The following JPH2 variants were observed in gnomAD, a reference collection of about 807,000 sequenced individuals.
JPH2 encodes the protein junctophilin-2.
Under a neutral mutation model 55.9 loss-of-function variants are expected in JPH2, and 38 were observed. The ratio of observed to expected loss-of-function variants is 0.68; its 90% CI spans 0.52 to 0.89. JPH2 has a LOEUF of 0.89. Among genes scored for constraint, JPH2 ranks in the 40% least tolerant of loss-of-function variants. The probability of loss-of-function intolerance (pLI) is 0.00; values close to 1 mark genes in which losing one functional copy is unlikely to be tolerated. For synonymous variants in JPH2, 480 were observed against 472.4 expected, an observed-to-expected ratio of 1.02 and a Z score of -0.21; for missense variants, 964 against 1,037.6, an observed-to-expected ratio of 0.93 and a Z score of 0.97.
At chr20:44,123,337 T>G (rs2072251821) in intron 2 of JPH2, among the ~76,000 whole-genome samples, 1 of 151,926 alleles carries the variant, frequency 6.6e-6, no homozygotes, top group African/African-American at 2.4e-5. Context: ...CCTTTATAAC[T>G]CTTAGAACCC....
intron 1 of JPH2, chr20:44,178,081 A>T (rs2072749741): frequency 1.3e-6 from 1 of 771,736 alleles, no homozygotes; most frequent in African/African-American, 1.7e-5. Context: ...GCCTACTCTA[A>T]GTCTCAGTTG....
rs1030386319 is a variant in JPH2 at position 44,177,466 on chromosome 20, T to A, written c.379+8861A>T. 8 of 991,642 alleles carry A rather than the reference T, an allele frequency of 8.1e-6. No individual in the cohort carries two copies. The South Asian group carries it at 2.3e-4, about 28-fold the overall frequency. The allele number at this position is 991,642 out of a possible 1,614,324, so 61.4% of individuals were successfully genotyped here. On this transcript the variant is annotated intron_variant, in intron 1 of 5. Transcript: ENST00000372980. Reference sequence around the variant, plus strand: ...TTGGCCAATCGGGCACATGAATCACTGAAAACAAGGCCGTGGACAGGAAAG... The same window carrying A: ...TTGGCCAATCGGGCACATGAATCACAGAAAACAAGGCCGTGGACAGGAAAG...
rs2072127324 is a variant in JPH2, at chr20:44,109,499, C to T, written c.*4019G>A. On this transcript the variant is annotated 3_prime_UTR_variant, in exon 6 of 6. Transcript: ENST00000372980. ...CACACAGCTGTTCTGCCACCACATA[C>T]AGGAGGTGAAGGGCTTAGCACAGGG... 6.6e-6 allele frequency among the ~76,000 whole-genome samples: 1 copy of T among 152,204 alleles called. No homozygotes were observed. The highest frequency in any genetic ancestry group is 1.5e-5 in the Non-Finnish European group (1 of 68,030).
chr20:44,153,899 G>A (rs1213606172), intron 2 of JPH2, among the ~76,000 whole-genome samples: 1 of 152,176 alleles, frequency 6.6e-6, no homozygotes, highest in African/African-American at 2.4e-5. Context: ...CACTCACTGT[G>A]CTCCTTCCAG....
intron 1 of JPH2, among the ~76,000 whole-genome samples, chr20:44,172,967 C>T (rs1042652688): frequency 6.6e-6 from 1 of 152,102 alleles, no homozygotes; most frequent in South Asian, 2.1e-4. Context: ...AAAAATCTGA[C>T]ATAAAAATAT....
chr20:44,178,064 C>A, intron 1 of JPH2: 1 of 780,734 alleles, frequency 1.3e-6, no homozygotes, highest in Middle Eastern at 2.3e-4. Context: ...GATTTGAACC[C>A]AGATCTGCCT....
chr20:44,108,715 T>C lies in JPH2; in HGVS notation c.*4803A>G, dbSNP rs1030908315. Among the ~76,000 whole-genome samples the C allele has an allele frequency of 6.6e-6, 1 of 151,750 alleles. No individual in the cohort carries two copies. The highest frequency in any genetic ancestry group is 1.5e-5 in the Non-Finnish European group (1 of 67,990). On this transcript the variant is annotated 3_prime_UTR_variant, in exon 6 of 6. Transcript: ENST00000372980. ...AAGACAGCCTGGAGTGAATGGTGAA[T>C]GTTCTGACACATGAGGTGCCCTGGC... is the stretch of plus-strand genomic sequence containing the variant.
chr20:44,139,086 T>C (rs781347923), intron 2 of JPH2, among the ~76,000 whole-genome samples: 2 of 152,068 alleles, frequency 1.3e-5, no homozygotes, highest in African/African-American at 4.8e-5. Flanking sequence ...ACAGTAACAA[T>C]AGCTGCCCAT....
intron 2 of JPH2, among the ~76,000 whole-genome samples, chr20:44,135,549 G>A (rs1004790168): frequency 2.6e-5 from 4 of 152,106 alleles, no homozygotes; most frequent in South Asian, 2.1e-4. Context: ...CCTGCATTTC[G>A]CTTCCAAGGT....
Position 44,115,899 on chromosome 20 carries a change from G to A in JPH2, c.1776C>T (p.Ser592=), listed in dbSNP as rs763485402. 3.2e-6 allele frequency: 5 copies of A among 1,576,154 alleles called. No individual in the cohort carries two copies. Among genetic ancestry groups the A allele is most frequent in the Non-Finnish European group, 4.3e-6 (5 of 1,167,336 alleles). The change falls in exon 4 of 6, where the codon TCC becomes TCT. Residue 592 remains serine, a synonymous_variant. Coordinates refer to ENST00000372980, the MANE Select transcript of JPH2 (RefSeq NM_020433.5). Reference sequence around the variant, plus strand: ...TGGCCGGGGACGAGGGCGCGGACTCGGACCCGGAGACCTCGGGCTCGGGCT... The same window carrying A: ...TGGCCGGGGACGAGGGCGCGGACTCAGACCCGGAGACCTCGGGCTCGGGCT... ...EDQPEPEVSG[S]ESAPSSPATA...
At position 44,159,719 on chromosome 20, in the gene JPH2, C is replaced by A; in HGVS notation, c.1068G>T (p.Gln356His). The change falls in exon 2 of 6, where the codon CAG becomes CAT. Residue 356 changes from glutamine (Q) to histidine (H), a missense_variant. Gln to His is a conservative substitution (Grantham distance 24, BLOSUM62 0). Coordinates refer to ENST00000372980, the MANE Select transcript of JPH2 (RefSeq NM_020433.5). The surrounding 1 kb of genome is among the most constrained non-coding windows in gnomAD (Gnocchi z 5.7). ...LVKDTKRRML[Q>H]LKSNKVRQKV... is the part of the protein sequence containing the mutation. ...TCTGGCGGACCTTGTTGCTCTTGAG[C>A]TGCAGCATGCGGCGCTTGGTGTCCT... The A allele has an allele frequency of 6.2e-7, 1 of 1,613,596 alleles. No individual in the cohort carries two copies. The highest frequency in any genetic ancestry group is 8.5e-7 in the Non-Finnish European group (1 of 1,179,974).
At chr20:44,163,960 A>G (rs917594412) in intron 1 of JPH2, among the ~76,000 whole-genome samples, 2 of 152,348 alleles carry the variant, frequency 1.3e-5, no homozygotes, top group Non-Finnish European at 2.9e-5. Flanking sequence ...CTAAAGAGAA[A>G]TGGAGAGAGA....
chr20:44,174,980 G>C (rs1037288533), intron 1 of JPH2, among the ~76,000 whole-genome samples: 1 of 151,876 alleles, frequency 6.6e-6, no homozygotes, highest in Non-Finnish European at 1.5e-5. Context: ...CTGGGTAACA[G>C]AGTGAGACCC....
intron 3 of JPH2, 42 bp downstream of exon 3, chr20:44,118,463 G>C (rs758960592): frequency 6.8e-7 from 1 of 1,478,324 alleles, no homozygotes; most frequent in South Asian, 1.1e-5. Flanking sequence ...GCCCACCCTA[G>C]GGATAGCCCT....
chr20:44,125,011 A>G (rs1056623119), intron 2 of JPH2, among the ~76,000 whole-genome samples: 2 of 151,780 alleles, frequency 1.3e-5, no homozygotes, highest in African/African-American at 4.8e-5. Context: ...TAGAAGGCTG[A>G]GGCAGAGAAT....
At chr20:44,139,188 G>T (rs1357374052) in intron 2 of JPH2, among the ~76,000 whole-genome samples, 3 of 152,208 alleles carry the variant, frequency 2.0e-5, no homozygotes, top group African/African-American at 7.2e-5. Context: ...AGTGCTCCAG[G>T]AAATGGAGAA....
chr20:44,107,783 G>T lies in JPH2; in HGVS notation c.*5735C>A, dbSNP rs1042249378. Among the ~76,000 whole-genome samples, 2 of 152,224 alleles carry T rather than the reference G, an allele frequency of 1.3e-5. No homozygotes were observed. The highest frequency in any genetic ancestry group is 4.8e-5 in the African/African-American group (2 of 41,460). ...AGTCTAGTGGAGAAGCTGTGGATAG[G>T]AAGAGATACAGGGTTGTGTAGTTAG... On this transcript the variant is annotated 3_prime_UTR_variant, in exon 6 of 6. Coordinates refer to ENST00000372980, the MANE Select transcript of JPH2 (RefSeq NM_020433.5).
chr20:44,115,730 C>A lies in JPH2; in HGVS notation c.1945G>T (p.Gly649Trp), dbSNP rs146641400. 5.0e-6 allele frequency: 8 copies of A among 1,613,516 alleles called. No homozygotes were observed. In the African/African-American group the frequency reaches 1.1e-4, roughly 22 times the overall value. Residue 649 changes from glycine (G) to tryptophan (W), a missense_variant, in exon 4 of 6, where the codon GGG (glycine) becomes TGG (tryptophan). Transcript: ENST00000372980. ...TCCTTCCGCGCCTTCTTCTTGGCCCCCGCCTTGGTCAGCCCTCGAGCCTCA... is the reference window on the plus strand; with the variant it reads ...TCCTTCCGCGCCTTCTTCTTGGCCCACGCCTTGGTCAGCCCTCGAGCCTCA... Reference protein sequence around the residue: ...KTEARGLTKAGAKKKARKEAA... With the variant: ...KTEARGLTKAWAKKKARKEAA...
At position 44,115,867 on chromosome 20, in the gene JPH2, GGGGCGGTGGCCGGGGACGA is replaced by G; in HGVS notation, c.1789_1807del (p.Ser597ArgfsTer43). ...GCCTCGGAGCGTGGGGGCCTGCAGCGGGGCGGTGGCCGGGGACGAGGGCGCGGACTCGGACCCGGAGACC... is the reference window on the plus strand; with the variant it reads ...GCCTCGGAGCGTGGGGGCCTGCAGCGGGGCGCGGACTCGGACCCGGAGACC... On this transcript the variant is annotated frameshift_variant, in exon 4 of 6. Transcript: ENST00000372980. LOFTEE classifies it high-confidence loss of function. 6.3e-7 allele frequency: 1 copy of G among 1,586,446 alleles called. No homozygotes were observed. Among genetic ancestry groups the G allele is most frequent in the Non-Finnish European group, 8.5e-7 (1 of 1,171,996 alleles).
Sources: gnomAD v4.1 joint callset for allele counts (sites outside exome capture counted in the v4.1 genomes callset) on GRCh38, gnomAD v4.1.1 for gene constraint, Gnocchi (gnomAD v3.1) non-coding constraint, MANE v1.5 for transcripts, NCBI Gene and HGNC (gene_info 2026-07-23, HGNC 2026-07-21) for gene names.